Variants in NALCN observed in about 807,000 individuals in gnomAD.
The protein encoded by NALCN is sodium leak channel, non-selective.
In NALCN, 111 loss-of-function variants were observed where a neutral mutation model predicts 225.3. That is an observed-to-expected ratio of 0.49 (90% CI 0.42 to 0.58). The LOEUF is 0.58. NALCN is among the 20% of genes least tolerant of loss of function. The pLI, the probability that NALCN is intolerant of heterozygous loss-of-function variation, is 0.00. For synonymous variants in NALCN, 764 were observed against 769.0 expected, an observed-to-expected ratio of 0.99 and a Z score of 0.11; for missense variants, 1,378 against 2,202.4, an observed-to-expected ratio of 0.63 and a Z score of 7.49.
intron 11 of NALCN, among the ~76,000 whole-genome samples, chr13:101,255,921 C>T (rs2042215275): frequency 6.6e-6 from 1 of 152,180 alleles, no homozygotes; most frequent in Admixed American, 6.5e-5. Context: ...CTGTCACCCA[C>T]TCTCCCTGTA....
At chr13:101,147,861 C>A (rs1198709001) in intron 15 of NALCN, among the ~76,000 whole-genome samples, 3 of 152,130 alleles carry the variant, frequency 2.0e-5, no homozygotes, top group African/African-American at 4.8e-5. Flanking sequence ...GTGCCTCCCC[C>A]ACCTCTGCCG....
chr13:101,118,248 A>G (rs2035806951), intron 18 of NALCN, among the ~76,000 whole-genome samples: 1 of 152,154 alleles, frequency 6.6e-6, no homozygotes, highest in African/African-American at 2.4e-5. Flanking sequence ...CTCAAAAAAT[A>G]GTCTATTAAA....
At chr13:101,154,705 CG>C (rs2037819347) in intron 15 of NALCN, among the ~76,000 whole-genome samples, 1 of 152,146 alleles carries the variant, frequency 6.6e-6, no homozygotes, top group Non-Finnish European at 1.5e-5. Context: ...GCAACACTAA[CG>C]GAGTCCCATC....
chr13:101,162,939 T>G (rs976372088), intron 15 of NALCN, among the ~76,000 whole-genome samples: 1 of 152,246 alleles, frequency 6.6e-6, no homozygotes, highest in Non-Finnish European at 1.5e-5. Context: ...AGTTTCACTC[T>G]TGTTGAGATG....
At chr13:101,243,520 A>C (rs138356406) in intron 11 of NALCN, among the ~76,000 whole-genome samples, 1,739 of 104,974 alleles carry the variant, frequency 0.017, 573 homozygotes, top group South Asian at 0.052. Context: ...TGTGTGAGTT[A>C]ACTTTTCTTT....
At chr13:101,231,416 T>C (rs886710222) in intron 12 of NALCN, among the ~76,000 whole-genome samples, 2 of 152,226 alleles carry the variant, frequency 1.3e-5, no homozygotes, top group Admixed American at 6.5e-5. Context: ...TTTAAGGACA[T>C]ATTTATATGA....
chr13:101,386,957 C>CACGCCTGTAAT (rs1196381017), intron 3 of NALCN, among the ~76,000 whole-genome samples: 3 of 151,812 alleles, frequency 2.0e-5, no homozygotes, highest in African/African-American at 7.3e-5. Context: ...CGCGGTGGCT[C>CACGCCTGTAAT]ACGCCTGTAA....
chr13:101,140,998 C>A (rs776068904), intron 17 of NALCN, among the ~76,000 whole-genome samples: 1 of 152,032 alleles, frequency 6.6e-6, no homozygotes, highest in Non-Finnish European at 1.5e-5. Flanking sequence ...AATATGCAAG[C>A]CTTTAAGGAT....
intron 9 of NALCN, among the ~76,000 whole-genome samples, chr13:101,286,018 T>C (rs1033738808): frequency 1.3e-5 from 2 of 152,224 alleles, no homozygotes; most frequent in Non-Finnish European, 2.9e-5. Context: ...TCAATTTAAT[T>C]TTCAGTAAAA....
intron 6 of NALCN, among the ~76,000 whole-genome samples, chr13:101,361,327 T>C (rs150549552): frequency 3.9e-4 from 60 of 152,258 alleles, no homozygotes; most frequent in African/African-American, 1.4e-3. Flanking sequence ...TAGGTAGAGC[T>C]CCTCATTCCA....
intron 14 of NALCN, among the ~76,000 whole-genome samples, chr13:101,188,548 ATATG>A (rs1289496713): frequency 6.6e-6 from 1 of 151,822 alleles, no homozygotes; most frequent in African/African-American, 2.4e-5. Context: ...TTAAAATACT[ATATG>A]TATACATATA....
intron 35 of NALCN, 82 bp from the exon 36 acceptor site, chr13:101,074,744 AT>A: frequency 1.5e-6 from 2 of 1,365,532 alleles, no homozygotes; most frequent in South Asian, 1.5e-5. Flanking sequence ...GAGAGAGAGA[AT>A]ATTCAATCTA....
chr13:101,412,397 G>C (rs2047814845), intron 1 of NALCN, among the ~76,000 whole-genome samples: 3 of 151,982 alleles, frequency 2.0e-5, no homozygotes, highest in Admixed American at 6.6e-5. Context: ...TGATTCTCTT[G>C]GCTTCAGTGT....
intron 7 of NALCN, among the ~76,000 whole-genome samples, chr13:101,308,426 G>A (rs1355099932): frequency 3.9e-5 from 6 of 152,196 alleles, no homozygotes; most frequent in African/African-American, 9.7e-5. Context: ...CAGACTTGGA[G>A]AGTAAGTGTT....
At chr13:101,316,510 T>C (rs965949151) in intron 7 of NALCN, among the ~76,000 whole-genome samples, 1 of 152,208 alleles carries the variant, frequency 6.6e-6, no homozygotes, top group Non-Finnish European at 1.5e-5. Context: ...GTTTCCACAT[T>C]CATCTTTCCT....
intron 39 of NALCN, among the ~76,000 whole-genome samples, chr13:101,066,425 C>A (rs1420955480): frequency 6.6e-6 from 1 of 152,128 alleles, no homozygotes; most frequent in East Asian, 1.9e-4. Context: ...CAGAACTGAT[C>A]CAGACACTGA....
chr13:101,125,800 C>A (rs1459484805), intron 17 of NALCN, among the ~76,000 whole-genome samples: 1 of 152,132 alleles, frequency 6.6e-6, no homozygotes, highest in Non-Finnish European at 1.5e-5. Flanking sequence ...AAAGGCGGTA[C>A]TGGGTGAAGG....
At chr13:101,262,365 G>T (rs1812978838) in intron 10 of NALCN, among the ~76,000 whole-genome samples, 1 of 152,170 alleles carries the variant, frequency 6.6e-6, no homozygotes, top group Admixed American at 6.5e-5. Context: ...GCTGCCCACT[G>T]TGGGGTAGAG....
intron 30 of NALCN, among the ~76,000 whole-genome samples, chr13:101,084,243 T>G (rs991804834): frequency 6.6e-6 from 1 of 152,216 alleles, no homozygotes; most frequent in Non-Finnish European, 1.5e-5. Context: ...ATTGCAAAAC[T>G]GTTTTTGAGA....
Sources: gnomAD v4.1 joint callset for allele counts (sites outside exome capture counted in the v4.1 genomes callset) on GRCh38, gnomAD v4.1.1 for gene constraint, MANE v1.5 for transcripts, NCBI Gene and HGNC (gene_info 2026-07-23, HGNC 2026-07-21) for gene names.